KIF20B: variants seen among roughly 807,000 people sequenced by gnomAD.
KIF20B encodes the protein kinesin family member 20B.
In KIF20B, 188 loss-of-function variants were observed where a neutral mutation model predicts 232.5. The observed-to-expected ratio is 0.81, with a 90% CI of 0.72 to 0.91. The LOEUF is 0.91. Ranked by LOEUF, KIF20B falls within the 40% of genes least tolerant of loss-of-function variation. The probability of loss-of-function intolerance (pLI) is 0.00; values close to 1 mark genes in which losing one functional copy is unlikely to be tolerated. For missense variants in KIF20B, 2,154 were observed against 2,055.9 expected, an observed-to-expected ratio of 1.05 and a Z score of -0.92; for synonymous variants, 712 against 683.0, an observed-to-expected ratio of 1.04 and a Z score of -0.66.
At chr10:89,733,933 G>A (rs11185861) in intron 19 of KIF20B, among the ~76,000 whole-genome samples, 47,439 of 151,974 alleles carry the variant, frequency 0.31, 8,377 homozygotes, top group African/African-American at 0.47. Flanking sequence ...TTGCATTTGA[G>A]AAATGAAGAC....
rs575284713 is a variant in KIF20B, at chr10:89,732,772, A to G, written c.2392-131A>G. On this transcript the variant is annotated intron_variant, in intron 18 of 32. Coordinates refer to ENST00000371728, the MANE Select transcript of KIF20B (RefSeq NM_001284259.2). ...GTTATTTTAGGACGAAACTTAAGAA[A>G]TAACTTAGAAAATGTCTCAACAAAT... is the stretch of plus-strand genomic sequence containing the variant. 3.9e-6 allele frequency: 3 copies of G among 762,132 alleles called. No individual in the cohort carries two copies. In the East Asian group the frequency reaches 9.9e-5, roughly 25 times the overall value. 47.2% of individuals were successfully genotyped at this position (762,132 alleles called of 1,614,324 possible).
At chr10:89,710,249 TCTCA>T (rs1842810131) in intron 5 of KIF20B, among the ~76,000 whole-genome samples, 184 bp downstream of exon 5, 1 of 142,684 alleles carries the variant, frequency 7.0e-6, no homozygotes, top group Non-Finnish European at 1.5e-5. Context: ...AGGGACAGAG[TCTCA>T]CTCTGTTGCC....
At chr10:89,765,935 T>C (rs1488798928) in intron 29 of KIF20B, among the ~76,000 whole-genome samples, 1 of 152,120 alleles carries the variant, frequency 6.6e-6, no homozygotes, top group Non-Finnish European at 1.5e-5. Flanking sequence ...CCCCTTAACA[T>C]TTTTTCCTTC....
At chr10:89,748,552 G>T (rs1480750997) in intron 23 of KIF20B, among the ~76,000 whole-genome samples, 13 of 152,188 alleles carry the variant, frequency 8.5e-5, no homozygotes. Context: ...CATTGGTGGG[G>T]TTAACTTGGA....
In KIF20B at chr10:89,709,481, G is replaced by A; in HGVS notation, c.351+20G>A. On this transcript the variant is annotated intron_variant, in intron 4 of 32. Coordinates refer to ENST00000371728, the MANE Select transcript of KIF20B (RefSeq NM_001284259.2). The stretch of plus-strand genomic sequence containing the variant: ...TCCAAGGTAAAACTGAAGTGTTTTT[G>A]TTTTTTGTTTTAAAGATAAAGAGAC... 1.3e-6 allele frequency: 2 copies of A among 1,514,144 alleles called. No individual in the cohort carries two copies. Among genetic ancestry groups the A allele is most frequent in the Non-Finnish European group, 1.8e-6 (2 of 1,092,282 alleles). 93.8% of individuals were successfully genotyped at this position (1,514,144 alleles called of 1,614,324 possible). A position where few individuals can be genotyped will look rare whatever the true frequency, so the allele number is the denominator to read the frequency against.
At position 89,758,881 on chromosome 10, in the gene KIF20B, TAGTC is replaced by T. The variant is rs778834797; in HGVS notation, c.4680+3_4680+6del. ...AGGATCATATCAGAGACTTCTAAAATAGTCAGTAGTCTTTTTTGCTATGCCTTTT... is the reference window on the plus strand; with the variant it reads ...AGGATCATATCAGAGACTTCTAAAATAGTAGTCTTTTTTGCTATGCCTTTT... On this transcript the variant is annotated splice_donor_variant and splice_donor_region_variant and coding_sequence_variant and intron_variant, in exon 27 of 33. Coordinates refer to ENST00000371728, the MANE Select transcript of KIF20B (RefSeq NM_001284259.2). LOFTEE classifies it high-confidence loss of function. The T allele has an allele frequency of 2.9e-5, 43 of 1,505,772 alleles. No homozygotes were observed. Among genetic ancestry groups the T allele is most frequent in the Middle Eastern group, 1.8e-4 (1 of 5,692 alleles). 93.3% of individuals were successfully genotyped at this position (1,505,772 alleles called of 1,614,324 possible). A position where few individuals can be genotyped will look rare whatever the true frequency, so the allele number is the denominator to read the frequency against.
At chr10:89,771,580 A>G (rs1842462998) in intron 31 of KIF20B, among the ~76,000 whole-genome samples, 1 of 152,028 alleles carries the variant, frequency 6.6e-6, no homozygotes, top group Non-Finnish European at 1.5e-5. Flanking sequence ...TCATATTTGC[A>G]TATTTAGCCT....
At position 89,751,453 on chromosome 10, in the gene KIF20B, G is replaced by A. The variant is rs370697647; in HGVS notation, c.4204G>A (p.Val1402Ile). 1.9e-6 allele frequency: 3 copies of A among 1,605,098 alleles called. No individual in the cohort carries two copies. Among genetic ancestry groups the A allele is most frequent in the East Asian group, 2.3e-5 (1 of 44,428 alleles). ...AGTGCTTGAGGCTAAATTAGAGGAA[G>A]TTGAAAGGCTGGCCACAGGTAAAAC... is the stretch of plus-strand genomic sequence containing the variant. Reference protein sequence around the residue: ...DQVLEAKLEEVERLATELEKW... With the variant: ...DQVLEAKLEEIERLATELEKW... Residue 1402 changes from valine (V) to isoleucine (I), a missense_variant, in exon 24 of 33, where the codon GTT (valine) becomes ATT (isoleucine). By Grantham distance (29) the Val-to-Ile change is conservative (BLOSUM62 3). Transcript: ENST00000371728.
Position 89,774,038 on chromosome 10 carries a change from C to T in KIF20B, c.5453C>T (p.Thr1818Ile). Residue 1818 changes from threonine to isoleucine, a missense_variant, in exon 33 of 33, where the codon ACA (threonine) becomes ATA (isoleucine). Physicochemically the swap from Thr to Ile is moderately conservative, Grantham distance 89 (BLOSUM62 -1). Transcript: ENST00000371728. ...QIIKRRLRTK[T>I]AK ...ATCAAACGACGACTTCGAACAAAAACAGCCAAATAAATCACTTATGGAAAT... is the reference window on the plus strand; with the variant it reads ...ATCAAACGACGACTTCGAACAAAAATAGCCAAATAAATCACTTATGGAAAT... The T allele has an allele frequency of 6.3e-7, 1 of 1,578,280 alleles. No individual in the cohort carries two copies. Among genetic ancestry groups the T allele is most frequent in the South Asian group, 1.2e-5 (1 of 83,970 alleles).
Position 89,728,905 on chromosome 10 carries a change from TTGTG to T in KIF20B, c.2272-183_2272-180del, listed in dbSNP as rs71022581. Among the ~76,000 whole-genome samples, 1,270 of 138,080 alleles carry T rather than the reference TTGTG, an allele frequency of 9.2e-3. 5 individuals are homozygous for T. The highest frequency in any genetic ancestry group is 0.013 in the Admixed American group (172 of 13,690). The allele number at this position is 138,080 out of a possible 152,430, so 90.6% of individuals were successfully genotyped here. On this transcript the variant is annotated intron_variant, in intron 17 of 32. Transcript: ENST00000371728. ...ATATGCTATATAGCTTCTTTTTTCT[TTGTG>T]TGTGTGTGTGTGTGTGTGTGTGTGT...
At chr10:89,741,117 C>T (rs558564098) in intron 21 of KIF20B, among the ~76,000 whole-genome samples, 31 of 152,310 alleles carry the variant, frequency 2.0e-4, no homozygotes, top group Admixed American at 1.5e-3. Flanking sequence ...TACAACTAGA[C>T]GGTCCCATCT....
At chr10:89,715,585 C>G (rs1218736704) in intron 8 of KIF20B, among the ~76,000 whole-genome samples, 1 of 152,082 alleles carries the variant, frequency 6.6e-6, no homozygotes, top group Non-Finnish European at 1.5e-5. Flanking sequence ...TGATTCAGTA[C>G]CTACATGCAT....
chr10:89,753,632 G>A (rs1020899488), intron 25 of KIF20B, among the ~76,000 whole-genome samples: 6 of 151,918 alleles, frequency 3.9e-5, no homozygotes, highest in African/African-American at 9.7e-5. Flanking sequence ...TTTTCTTTTC[G>A]TTTTTTTGAG....
intron 31 of KIF20B, among the ~76,000 whole-genome samples, chr10:89,771,342 C>G (rs1204550723): frequency 6.6e-6 from 1 of 152,080 alleles, no homozygotes; most frequent in Non-Finnish European, 1.5e-5. Context: ...ACTGTCAGCT[C>G]TTAGTATAGT....
In KIF20B at chr10:89,760,628, A is replaced by G; in HGVS notation, c.4783A>G (p.Lys1595Glu). ...LSTSFEISRN[K>E]IEDGSVVLDS... Reference sequence around the variant, plus strand: ...GACAAGTTTTGAAATTTCCAGAAATAAAATAGAGGTGGGTATTTGGCAGCA... The same window carrying G: ...GACAAGTTTTGAAATTTCCAGAAATGAAATAGAGGTGGGTATTTGGCAGCA... The change falls in exon 28 of 33, where the codon AAA becomes GAA. Residue 1595 changes from lysine to glutamate, a missense_variant. Physicochemically the swap from Lys to Glu is moderately conservative, Grantham distance 56. Transcript: ENST00000371728. 1 of 1,583,250 alleles carries G rather than the reference A, an allele frequency of 6.3e-7. No individual in the cohort carries two copies. The highest frequency in any genetic ancestry group is 8.7e-7 in the Non-Finnish European group (1 of 1,152,346).
At chr10:89,760,880 G>A (rs950003833) in intron 28 of KIF20B, among the ~76,000 whole-genome samples, 1 of 152,118 alleles carries the variant, frequency 6.6e-6, no homozygotes, top group African/African-American at 2.4e-5. Context: ...TTGATGGTCA[G>A]AAATAGGAAA....
chr10:89,745,120 A>G (rs932745367), intron 22 of KIF20B, among the ~76,000 whole-genome samples: 3 of 152,100 alleles, frequency 2.0e-5, no homozygotes, highest in Non-Finnish European at 4.4e-5. Context: ...TGTTCCTTCT[A>G]TGTTAAATAC....
intron 11 of KIF20B, 119 bp from the exon 12 acceptor site, chr10:89,718,591 T>C: frequency 1.4e-6 from 1 of 732,592 alleles, no homozygotes; most frequent in Non-Finnish European, 2.4e-6. Context: ...AACTAATCAC[T>C]ACCCTAAAGT....
Position 89,754,693 on chromosome 10 carries a change from TTGA to T in KIF20B, c.4503+23_4503+25del. 1 of 1,481,936 alleles carries T rather than the reference TTGA, an allele frequency of 6.7e-7. No individual in the cohort carries two copies. The highest frequency in any genetic ancestry group is 2.5e-5 in the East Asian group (1 of 40,354). 91.8% of individuals were successfully genotyped at this position (1,481,936 alleles called of 1,614,324 possible). On this transcript the variant is annotated intron_variant, in intron 26 of 32. Transcript: ENST00000371728. Reference sequence around the variant, plus strand: ...GAAATGGTTAGTAACAATTGTATCTTTGATGTATTTCACCTACTTTCCTTGGTG... The same window carrying T: ...GAAATGGTTAGTAACAATTGTATCTTTGTATTTCACCTACTTTCCTTGGTG...
Sources: gnomAD v4.1 joint callset for allele counts (sites outside exome capture counted in the v4.1 genomes callset) on GRCh38, gnomAD v4.1.1 for gene constraint, MANE v1.5 for transcripts, NCBI Gene and HGNC (gene_info 2026-07-23, HGNC 2026-07-21) for gene names.